The following DCLK2 variants were observed in gnomAD, a reference collection of about 807,000 sequenced individuals.
DCLK2 encodes serine/threonine-protein kinase DCLK2.
A neutral mutation model predicts 78.4 loss-of-function variants in DCLK2; 31 were observed. The observed-to-expected ratio is 0.40, with a 90% CI of 0.30 to 0.53. The LOEUF is 0.53. DCLK2 is among the 20% of genes least tolerant of loss of function. The pLI, the probability that DCLK2 is intolerant of heterozygous loss-of-function variation, is 0.61. For synonymous variants in DCLK2, 407 were observed against 374.9 expected, an observed-to-expected ratio of 1.09 and a Z score of -0.99; for missense variants, 872 against 973.7, an observed-to-expected ratio of 0.90 and a Z score of 1.39.
intron 2 of DCLK2, among the ~76,000 whole-genome samples, chr4:150,150,676 G>A (rs1734822959): frequency 2.6e-5 from 4 of 152,146 alleles, no homozygotes; most frequent in African/African-American, 9.7e-5. Context: ...CAGAGTAATA[G>A]CACTCTTGGA....
intron 2 of DCLK2, among the ~76,000 whole-genome samples, chr4:150,148,562 G>A (rs184285614): frequency 6.6e-6 from 1 of 152,092 alleles, no homozygotes; most frequent in East Asian, 1.9e-4. Flanking sequence ...ACTGTGCCTG[G>A]CTTACACTTA....
intron 10 of DCLK2, among the ~76,000 whole-genome samples, chr4:150,233,700 A>C (rs149547510): frequency 2.0e-5 from 3 of 152,114 alleles, no homozygotes; most frequent in Admixed American, 1.3e-4. Context: ...TTATTCCACT[A>C]TGGTACCCAG....
In DCLK2 at chr4:150,079,461, G is replaced by A. The variant is rs1415085843; in HGVS notation, c.421+13G>A. 2 of 1,465,972 alleles carry A rather than the reference G, an allele frequency of 1.4e-6. No individual in the cohort carries two copies. Among genetic ancestry groups the A allele is most frequent in the South Asian group, 2.9e-5 (2 of 70,070 alleles). The allele number at this position is 1,465,972 out of a possible 1,614,324, so 90.8% of individuals were successfully genotyped here. On this transcript the variant is annotated intron_variant, in intron 1 of 15. Transcript: ENST00000296550. ...GAGCTGCTGGAAGGTAGGAGGGGAGGGCGCCGCACGGCAGGTGCGGCGGAG... is the reference window on the plus strand; with the variant it reads ...GAGCTGCTGGAAGGTAGGAGGGGAGAGCGCCGCACGGCAGGTGCGGCGGAG...
chr4:150,177,785 A>T (rs572645659), intron 2 of DCLK2, among the ~76,000 whole-genome samples: 1 of 152,218 alleles, frequency 6.6e-6, no homozygotes, highest in African/African-American at 2.4e-5. Context: ...TTTGAAACAT[A>T]CCAAATAATA....
chr4:150,153,987 A>G (rs1159261015), intron 2 of DCLK2, among the ~76,000 whole-genome samples: 2 of 152,226 alleles, frequency 1.3e-5, no homozygotes, highest in Non-Finnish European at 2.9e-5. Context: ...AACTTTCACA[A>G]AAGGGCGTAA....
At chr4:150,249,114 G>A (rs1341145030) in intron 14 of DCLK2, among the ~76,000 whole-genome samples, 6 of 152,088 alleles carry the variant, frequency 3.9e-5, no homozygotes, top group African/African-American at 9.7e-5. Context: ...GCTAAATGAC[G>A]TGGTTCTTGG....
chr4:150,213,564 A>G (rs935839283), intron 5 of DCLK2, among the ~76,000 whole-genome samples: 21 of 152,218 alleles, frequency 1.4e-4, no homozygotes, highest in Non-Finnish European at 2.9e-5. Flanking sequence ...AAAAATGCCA[A>G]TGATGCAAAT....
Position 150,102,601 on chromosome 4 carries a change from C to T in DCLK2, c.545C>T (p.Ser182Phe). ...TCCCGAGCGCTGGCTGCTGCCTCCTCTGTGAAAAGTGAAGTAAAAGAAAGT... is the reference window on the plus strand; with the variant it reads ...TCCCGAGCGCTGGCTGCTGCCTCCTTTGTGAAAAGTGAAGTAAAAGAAAGT... ...GTSRALAAAS[S>F]VKSEVKESKD... The change falls in exon 2 of 16, where the codon TCT (serine) becomes TTT (phenylalanine). Residue 182 changes from serine to phenylalanine, a missense_variant. Transcript: ENST00000296550. 1.2e-6 allele frequency: 2 copies of T among 1,614,146 alleles called. No individual in the cohort carries two copies. Among genetic ancestry groups the T allele is most frequent in the Non-Finnish European group, 1.7e-6 (2 of 1,180,024 alleles).
At chr4:150,163,398 AAAAT>A (rs146823719) in intron 2 of DCLK2, among the ~76,000 whole-genome samples, 48,725 of 150,520 alleles carry the variant, frequency 0.32, 8,342 homozygotes, top group South Asian at 0.58. Context: ...ACTCCGTCTC[AAAAT>A]AAATAAATAA....
intron 3 of DCLK2, among the ~76,000 whole-genome samples, chr4:150,195,488 ATATAT>A (rs1379188328): frequency 3.2e-4 from 32 of 100,328 alleles, no homozygotes; most frequent in African/African-American, 9.9e-4. Context: ...ATTATATAAT[ATATAT>A]TATATTATAT....
intron 2 of DCLK2, among the ~76,000 whole-genome samples, chr4:150,104,394 TAAAAAAAAAAA>T (rs34276664): frequency 5.0e-4 from 15 of 29,754 alleles, no homozygotes; most frequent in South Asian, 1.4e-3. Context: ...CCACATCTCC[TAAAAAAAAAAA>T]AAAAAAAAAA....
At chr4:150,135,093 A>G (rs570486123) in intron 2 of DCLK2, among the ~76,000 whole-genome samples, 1 of 151,912 alleles carries the variant, frequency 6.6e-6, no homozygotes, top group African/African-American at 2.4e-5. Context: ...TAAATTTTGG[A>G]AGATTGTCTT....
chr4:150,130,979 A>C (rs529089320), intron 2 of DCLK2, among the ~76,000 whole-genome samples: 1 of 152,298 alleles, frequency 6.6e-6, no homozygotes, highest in African/African-American at 2.4e-5. Context: ...ATGTTGAACA[A>C]ATGGAAATAT....
intron 2 of DCLK2, among the ~76,000 whole-genome samples, chr4:150,157,854 T>G (rs1016454598): frequency 6.6e-6 from 1 of 152,074 alleles, no homozygotes; most frequent in Non-Finnish European, 1.5e-5. Flanking sequence ...TCTTGAACTC[T>G]CTGAGCTCAA....
chr4:150,237,069 T>A (rs1742562849), intron 10 of DCLK2, among the ~76,000 whole-genome samples: 1 of 149,420 alleles, frequency 6.7e-6, no homozygotes, highest in Non-Finnish European at 1.5e-5. Flanking sequence ...AGTATATTTT[T>A]AAGTTGTAAA....
At chr4:150,133,684 A>G (rs927167760) in intron 2 of DCLK2, among the ~76,000 whole-genome samples, 2 of 152,252 alleles carry the variant, frequency 1.3e-5, no homozygotes, top group Admixed American at 1.3e-4. Context: ...TTTCTCTCTG[A>G]TAAGAGAATG....
At chr4:150,178,411 A>G (rs190074530) in intron 2 of DCLK2, among the ~76,000 whole-genome samples, 2 of 152,340 alleles carry the variant, frequency 1.3e-5, no homozygotes. Context: ...GTTGCCATAA[A>G]TAATTCAAAC....
At chr4:150,144,369 G>T (rs1734310101) in intron 2 of DCLK2, among the ~76,000 whole-genome samples, 1 of 152,054 alleles carries the variant, frequency 6.6e-6, no homozygotes, top group Non-Finnish European at 1.5e-5. Flanking sequence ...TGTCAACTTT[G>T]TTGAATATCA....
intron 2 of DCLK2, among the ~76,000 whole-genome samples, chr4:150,108,188 A>T (rs1422269579): frequency 2.6e-5 from 4 of 152,136 alleles, no homozygotes; most frequent in Non-Finnish European, 4.4e-5. Flanking sequence ...ATTTTGATTA[A>T]ATGCTTCACT....
Sources: allele counts gnomAD v4.1 joint callset (sites outside exome capture counted in the v4.1 genomes callset), GRCh38; gene constraint gnomAD v4.1.1; transcripts MANE v1.5; gene names NCBI Gene and HGNC (gene_info 2026-07-23, HGNC 2026-07-21).